MAGI2: variants seen among roughly 807,000 people sequenced by gnomAD.
The protein encoded by MAGI2 is membrane associated guanylate kinase, WW and PDZ domain containing 2.
A neutral mutation model predicts 133.3 loss-of-function variants in MAGI2; 35 were observed. That is an observed-to-expected ratio of 0.26 (90% CI 0.20 to 0.35). MAGI2 has a LOEUF of 0.35. MAGI2 is among the 10% of genes least tolerant of loss of function. MAGI2 has a pLI of 1.00. For synonymous variants in MAGI2, 729 were observed against 710.6 expected (o/e 1.03, Z -0.41); for missense variants, 1,636 against 1,863.4 (o/e 0.88, Z 2.25).
intron 6 of MAGI2, among the ~76,000 whole-genome samples, chr7:78,373,011 C>A (rs539815169): frequency 1.3e-5 from 2 of 152,078 alleles, no homozygotes; most frequent in South Asian, 4.2e-4. Context: ...TTTTAACAGT[C>A]GGGGTTCCGT....
intron 1 of MAGI2, among the ~76,000 whole-genome samples, chr7:79,029,883 G>C (rs1438457402): frequency 1.3e-5 from 2 of 152,140 alleles, no homozygotes; most frequent in African/African-American, 4.8e-5. Flanking sequence ...TCTTGATTTT[G>C]TTCCAAGCAA....
chr7:78,994,525 G>A (rs1233144280), intron 2 of MAGI2, among the ~76,000 whole-genome samples: 1 of 152,088 alleles, frequency 6.6e-6, no homozygotes, highest in Non-Finnish European at 1.5e-5. Flanking sequence ...ACACGTTCAT[G>A]TAGTCTTCTA....
chr7:79,190,025 T>G (rs2129551068), intron 1 of MAGI2, among the ~76,000 whole-genome samples: 1 of 152,004 alleles, frequency 6.6e-6, no homozygotes, highest in Middle Eastern at 3.4e-3. Flanking sequence ...ATATTCTACC[T>G]ATTGAAGGAC....
chr7:78,384,584 G>A (rs947866382), intron 6 of MAGI2, among the ~76,000 whole-genome samples: 1 of 151,988 alleles, frequency 6.6e-6, no homozygotes, highest in African/African-American at 2.4e-5. Flanking sequence ...GAATGTTTTG[G>A]GGTGAATTTA....
rs143618947 is a variant in MAGI2, at chr7:79,344,726, C to T, written c.301+108294G>A. 1.4e-3 allele frequency among the ~76,000 whole-genome samples: 215 copies of T among 152,100 alleles called. 1 individual carries two copies. The highest frequency in any genetic ancestry group is 4.9e-3 in the African/African-American group (204 of 41,498). ...ACTAAATGGCATACTTAGGAACTTG[C>T]GTTGTACCTTGAGGGTAACAAGAAG... On this transcript the variant is annotated intron_variant, in intron 1 of 21. Coordinates refer to ENST00000354212, the MANE Select transcript of MAGI2 (RefSeq NM_012301.4).
At chr7:78,673,715 C>T (rs534720655) in intron 2 of MAGI2, among the ~76,000 whole-genome samples, 4 of 150,948 alleles carry the variant, frequency 2.6e-5, no homozygotes, top group African/African-American at 4.9e-5. Flanking sequence ...GGGGGGCAGG[C>T]GGTGTTTATG....
chr7:78,565,160 G>T (rs1048463477), intron 3 of MAGI2, among the ~76,000 whole-genome samples: 25 of 151,578 alleles, frequency 1.6e-4, no homozygotes, highest in Non-Finnish European at 3.2e-4. Flanking sequence ...TTGATATAAT[G>T]GTTAAATTTT....
intron 6 of MAGI2, among the ~76,000 whole-genome samples, chr7:78,482,665 T>C (rs945828295): frequency 6.6e-6 from 1 of 151,868 alleles, no homozygotes; most frequent in African/African-American, 2.4e-5. Context: ...TTTACACACA[T>C]TGTGATTCCA....
chr7:78,935,454 T>C (rs1000717228), intron 2 of MAGI2, among the ~76,000 whole-genome samples: 2 of 152,134 alleles, frequency 1.3e-5, no homozygotes, highest in African/African-American at 4.8e-5. Flanking sequence ...GACCTCTGCT[T>C]AAGCAGAAGT....
intron 1 of MAGI2, among the ~76,000 whole-genome samples, chr7:79,284,642 T>C (rs1835876674): frequency 6.6e-6 from 1 of 152,092 alleles, no homozygotes; most frequent in South Asian, 2.1e-4. Flanking sequence ...TAGGTTATCT[T>C]TGAGAACTTA....
At chr7:78,648,601 G>A (rs371748563) in intron 2 of MAGI2, among the ~76,000 whole-genome samples, 7 of 152,214 alleles carry the variant, frequency 4.6e-5, no homozygotes, top group African/African-American at 1.7e-4. Context: ...TAAAATTAGC[G>A]GGTCTACCTT....
rs966763051 is a variant in MAGI2, at chr7:78,699,351, T to G, written c.419-72112A>C. Among the ~76,000 whole-genome samples, 6 of 152,292 alleles carry G rather than the reference T, an allele frequency of 3.9e-5. No homozygotes were observed. In the East Asian group the frequency reaches 1.2e-3, roughly 29 times the overall value. ...CTTGGGCTCAAGCCATCCTCCTGCCTCGGCCTCCCAAAGTGCTGGGATTAC... is the reference window on the plus strand; with the variant it reads ...CTTGGGCTCAAGCCATCCTCCTGCCGCGGCCTCCCAAAGTGCTGGGATTAC... On this transcript the variant is annotated intron_variant, in intron 2 of 21. Transcript: ENST00000354212.
At chr7:79,433,274 A>C (rs1004898345) in intron 1 of MAGI2, among the ~76,000 whole-genome samples, 1 of 152,104 alleles carries the variant, frequency 6.6e-6, no homozygotes, top group Non-Finnish European at 1.5e-5. Flanking sequence ...TGTTTTGGCC[A>C]GGCGCGGTGG....
chr7:78,527,988 C>A (rs1797125099), intron 3 of MAGI2, among the ~76,000 whole-genome samples: 1 of 80,220 alleles, frequency 1.2e-5, no homozygotes, highest in Non-Finnish European at 2.5e-5. Flanking sequence ...TATTCTCAGT[C>A]CTTTTTTCCC....
At chr7:78,178,419 G>T (rs922964996) in intron 13 of MAGI2, among the ~76,000 whole-genome samples, 6 of 152,126 alleles carry the variant, frequency 3.9e-5, no homozygotes, top group African/African-American at 1.4e-4. Flanking sequence ...CATTCAGATT[G>T]CCCTCAAGAA....
chr7:78,602,758 T>C (rs1041770534), intron 3 of MAGI2, among the ~76,000 whole-genome samples: 2 of 152,344 alleles, frequency 1.3e-5, no homozygotes, highest in Middle Eastern at 3.4e-3. Context: ...TTAATGCTTA[T>C]TATGATCATT....
intron 9 of MAGI2, among the ~76,000 whole-genome samples, chr7:78,338,055 CTA>C (rs1462262400): frequency 2.0e-5 from 3 of 152,072 alleles, no homozygotes; most frequent in Non-Finnish European, 4.4e-5. Flanking sequence ...TTGAAAAATT[CTA>C]TGAGAATGGT....
rs10526268 is a variant in MAGI2, at chr7:78,903,172, C to CTTTTTTTTTTTTTTTTTTTT, written c.418+103898_418+103917dup. ...TTCATGCAAGTGGGAGTTCCTGAAT[C>CTTTTTTTTTTTTTTTTTTTT]TTTTTTTTTTTTTTTTTTTTTTTTT... On this transcript the variant is annotated intron_variant, in intron 2 of 21. Transcript: ENST00000354212. Among the ~76,000 whole-genome samples the CTTTTTTTTTTTTTTTTTTTT allele has an allele frequency of 2.3e-4, 13 of 56,120 alleles. 4 individuals are homozygous for CTTTTTTTTTTTTTTTTTTTT. Among genetic ancestry groups the CTTTTTTTTTTTTTTTTTTTT allele is most frequent in the Admixed American group, 3.1e-4 (1 of 3,270 alleles). 36.8% of individuals were successfully genotyped at this position (56,120 alleles called of 152,430 possible). A position where few individuals can be genotyped will look rare whatever the true frequency, so the allele number is the denominator to read the frequency against.
intron 2 of MAGI2, among the ~76,000 whole-genome samples, chr7:78,687,733 C>T (rs1397417797): frequency 1.3e-5 from 2 of 151,978 alleles, no homozygotes; most frequent in Non-Finnish European, 2.9e-5. Context: ...CTTTGGGAGG[C>T]TGAGGCGGGT....
Sources: allele counts gnomAD v4.1 joint callset (sites outside exome capture counted in the v4.1 genomes callset), GRCh38; gene constraint gnomAD v4.1.1; transcripts MANE v1.5; gene names NCBI Gene and HGNC (gene_info 2026-07-23, HGNC 2026-07-21).